The following ATF7 variants were observed in gnomAD, a reference collection of about 807,000 sequenced individuals.
The protein encoded by ATF7 is activating transcription factor 7, also known as cyclic AMP-dependent transcription factor ATF-7.
A neutral mutation model predicts 50.4 loss-of-function variants in ATF7; 10 were observed. The observed-to-expected ratio is 0.20, with a 90% CI of 0.12 to 0.34. The LOEUF (loss-of-function observed/expected upper bound fraction) is 0.34. Ranked by LOEUF, ATF7 falls within the 10% of genes least tolerant of loss-of-function variation. The pLI, the probability that ATF7 is intolerant of heterozygous loss-of-function variation, is 1.00. For synonymous variants in ATF7, 201 were observed against 226.4 expected (o/e 0.89, Z 1.01); for missense variants, 465 against 613.9 (o/e 0.76, Z 2.56).
rs537146321 is a variant in ATF7, at chr12:53,545,615, C to T, written c.146-2167G>A. Among the ~76,000 whole-genome samples the T allele has an allele frequency of 2.0e-4, 30 of 152,132 alleles. No homozygotes were observed. The East Asian group carries it at 5.4e-3, about 28-fold the overall frequency. ...CCTCCCAAAGTGCTGGGATTATAGGCGTGAGCCACCGCGCCTAGCCAAAAA... is the reference window on the plus strand; with the variant it reads ...CCTCCCAAAGTGCTGGGATTATAGGTGTGAGCCACCGCGCCTAGCCAAAAA... On this transcript the variant is annotated intron_variant, in intron 3 of 11. Coordinates refer to ENST00000420353, the MANE Select transcript of ATF7 (RefSeq NM_006856.3).
At chr12:53,584,878 A>T in intron 2 of ATF7, among the ~76,000 whole-genome samples, 1 of 152,224 alleles carries the variant, frequency 6.6e-6, no homozygotes, top group East Asian at 1.9e-4. Flanking sequence ...AGTGCTTGCC[A>T]GCGGTCAGTG....
At chr12:53,525,040 G>A (rs1250489233) in intron 9 of ATF7, 1 of 338,446 alleles carries the variant, frequency 3.0e-6, no homozygotes, top group Non-Finnish European at 5.4e-6. Context: ...TGAAACCACG[G>A]TTACTTTTTG....
intron 2 of ATF7, among the ~76,000 whole-genome samples, chr12:53,553,742 C>T (rs919905678): frequency 6.6e-6 from 1 of 152,160 alleles, no homozygotes; most frequent in Admixed American, 6.6e-5. Context: ...AACATGGTTC[C>T]GTTTGTCTTT....
intron 2 of ATF7, among the ~76,000 whole-genome samples, chr12:53,587,843 A>ATATATATATAT: frequency 1.1e-3 from 69 of 61,546 alleles, no homozygotes; most frequent in Middle Eastern, 0.011. Flanking sequence ...ATATATATAT[A>ATATATATATAT]TTTTTTTTTT....
chr12:53,603,729 A>C (rs1220944129), intron 1 of ATF7, among the ~76,000 whole-genome samples: 1 of 152,068 alleles, frequency 6.6e-6, no homozygotes, highest in Non-Finnish European at 1.5e-5. Flanking sequence ...CCCATTAAAA[A>C]AAAAAACACA....
chr12:53,612,239 G>C (rs1423492960), intron 1 of ATF7, among the ~76,000 whole-genome samples: 2 of 151,596 alleles, frequency 1.3e-5, no homozygotes, highest in South Asian at 2.1e-4. Flanking sequence ...ACCTCCTAAA[G>C]TGCTGGAATT....
chr12:53,613,546 G>T (rs1943986277), intron 1 of ATF7, among the ~76,000 whole-genome samples: 1 of 151,740 alleles, frequency 6.6e-6, no homozygotes, highest in Non-Finnish European at 1.5e-5. Flanking sequence ...TCTGAGACAG[G>T]GTCTTACTCT....
At position 53,513,310 on chromosome 12, in the gene ATF7, G is replaced by A. The variant is rs1944186022; in HGVS notation, c.*3827C>T. 2 of 152,208 alleles carry A rather than the reference G, an allele frequency of 1.3e-5. No homozygotes were observed. The highest frequency in any genetic ancestry group is 2.1e-4 in the South Asian group (1 of 4,824). 9.4% of individuals were successfully genotyped at this position (152,208 alleles called of 1,614,324 possible). Reference sequence around the variant, plus strand: ...CTCATTCCTGCTAGGTAACCACCTTGGTATGGGGTGGGGGAATTTATGTCT... The same window carrying A: ...CTCATTCCTGCTAGGTAACCACCTTAGTATGGGGTGGGGGAATTTATGTCT... On this transcript the variant is annotated 3_prime_UTR_variant, in exon 12 of 12. Coordinates refer to ENST00000420353, the MANE Select transcript of ATF7 (RefSeq NM_006856.3).
chr12:53,607,990 C>T (rs1482819638), intron 1 of ATF7, among the ~76,000 whole-genome samples: 3 of 151,928 alleles, frequency 2.0e-5, no homozygotes, highest in African/African-American at 4.8e-5. Context: ...GAGGCCGAGG[C>T]GGGCAGATCA....
chr12:53,531,157 A>G (rs113821260), intron 9 of ATF7, among the ~76,000 whole-genome samples: 16,576 of 151,798 alleles, frequency 0.11, 1,639 homozygotes, highest in African/African-American at 0.25. Context: ...ATGGTGGCTC[A>G]CGCCTGGAAT....
chr12:53,562,914 G>A (rs1351937067), intron 2 of ATF7, among the ~76,000 whole-genome samples: 1 of 152,158 alleles, frequency 6.6e-6, no homozygotes, highest in Non-Finnish European at 1.5e-5. Context: ...TGGGGGTGGG[G>A]TGGGTTTGAA....
At chr12:53,562,304 G>T (rs1033907089) in intron 2 of ATF7, among the ~76,000 whole-genome samples, 1 of 152,122 alleles carries the variant, frequency 6.6e-6, no homozygotes, top group Non-Finnish European at 1.5e-5. Flanking sequence ...CAACTAGCAC[G>T]TCTCACTAAA....
At chr12:53,529,262 C>T (rs762364523) in intron 9 of ATF7, among the ~76,000 whole-genome samples, 9 of 152,118 alleles carry the variant, frequency 5.9e-5, no homozygotes, top group Admixed American at 1.3e-4. Flanking sequence ...TGCAATGGTG[C>T]GATCTCGGCT....
intron 2 of ATF7, among the ~76,000 whole-genome samples, chr12:53,555,425 G>C (rs1940669309): frequency 6.6e-6 from 1 of 151,694 alleles, no homozygotes; most frequent in South Asian, 2.1e-4. Flanking sequence ...AGAGGGTCTG[G>C]GATTGCCAGG....
At chr12:53,526,296 C>A (rs1938465817) in intron 9 of ATF7, among the ~76,000 whole-genome samples, 1 of 151,644 alleles carries the variant, frequency 6.6e-6, no homozygotes, top group East Asian at 1.9e-4. Context: ...TCTGCTACCC[C>A]TGAGACAGCA....
At chr12:53,586,782 C>T (rs1335928022) in intron 2 of ATF7, among the ~76,000 whole-genome samples, 1 of 152,168 alleles carries the variant, frequency 6.6e-6, no homozygotes, top group Non-Finnish European at 1.5e-5. Context: ...TCATCACTCT[C>T]TCACACACAC....
Position 53,524,609 on chromosome 12 carries a change from T to C in ATF7, c.1080A>G (p.Leu360=). Reference sequence around the variant, plus strand: ...AAGTGAGTTCTTCGGCCTTCTTCTCTAGGGAGGACACCCACAGCTTTCGCT... The same window carrying C: ...AAGTGAGTTCTTCGGCCTTCTTCTCCAGGGAGGACACCCACAGCTTTCGCT... The part of the protein sequence containing the change: ...RQKRKLWVSS[L]EKKAEELTSQ... Residue 360 remains leucine (L), a synonymous_variant, in exon 10 of 12, where the codon CTA becomes CTG. Coordinates refer to ENST00000420353, the MANE Select transcript of ATF7 (RefSeq NM_006856.3). This position sits in a 1 kb window ranked among gnomAD's most constrained non-coding sequence, Gnocchi z 4.6. 6.2e-7 allele frequency: 1 copy of C among 1,613,980 alleles called. No individual in the cohort carries two copies. The highest frequency in any genetic ancestry group is 8.5e-7 in the Non-Finnish European group (1 of 1,179,894).
At chr12:53,609,443 T>TC (rs1943751256) in intron 1 of ATF7, among the ~76,000 whole-genome samples, 2 of 147,174 alleles carry the variant, frequency 1.4e-5, no homozygotes, top group South Asian at 4.4e-4. Flanking sequence ...CATGAGCCAC[T>TC]CCGCCTGGCC....
rs1398951912 is a variant in ATF7, at chr12:53,543,146, T to C, written c.264+184A>G. 54 of 1,491,302 alleles carry C rather than the reference T, an allele frequency of 3.6e-5. 3 individuals carry two copies. In the South Asian group the frequency reaches 7.0e-4, roughly 19 times the overall value. The allele number at this position is 1,491,302 out of a possible 1,614,324, so 92.4% of individuals were successfully genotyped here. A position where few individuals can be genotyped will look rare whatever the true frequency, so the allele number is the denominator to read the frequency against. ...ACGACAGACTTGTGCTGATCCATCA[T>C]CTGGAACTCCTAAAGACCTGAATGG... is the stretch of plus-strand genomic sequence containing the variant. On this transcript the variant is annotated intron_variant, in intron 4 of 11. Coordinates refer to ENST00000420353, the MANE Select transcript of ATF7 (RefSeq NM_006856.3).
Sources: gnomAD v4.1 joint callset for allele counts (sites outside exome capture counted in the v4.1 genomes callset) on GRCh38, gnomAD v4.1.1 for gene constraint, Gnocchi (gnomAD v3.1) non-coding constraint, MANE v1.5 for transcripts, NCBI Gene and HGNC (gene_info 2026-07-23, HGNC 2026-07-21) for gene names.